Variants in SYT1 observed in about 807,000 individuals in gnomAD.
The protein encoded by SYT1 is synaptotagmin-1.
Under a neutral mutation model 44.8 loss-of-function variants are expected in SYT1, and 8 were observed. The ratio of observed to expected loss-of-function variants is 0.18; its 90% CI spans 0.10 to 0.32. The LOEUF is 0.32. SYT1 is among the 10% of genes least tolerant of loss of function. The pLI, the probability that SYT1 is intolerant of heterozygous loss-of-function variation, is 1.00. For missense variants in SYT1, 286 were observed against 509.3 expected (o/e 0.56, Z 4.22); for synonymous variants, 154 against 188.8 (o/e 0.82, Z 1.51).
intron 5 of SYT1, among the ~76,000 whole-genome samples, chr12:79,290,154 C>T (rs1357412081): frequency 6.6e-6 from 1 of 152,042 alleles, no homozygotes; most frequent in African/African-American, 2.4e-5. Flanking sequence ...ATTTTCAAAA[C>T]TCACTGAAGG....
At chr12:79,283,132 C>T (rs1291537322) in intron 4 of SYT1, among the ~76,000 whole-genome samples, 7 of 152,060 alleles carry the variant, frequency 4.6e-5, no homozygotes. Context: ...ATGAGTGAAG[C>T]TATCCTATAG....
At chr12:79,016,271 A>C (rs1592664927) in intron 2 of SYT1, among the ~76,000 whole-genome samples, 1 of 152,270 alleles carries the variant, frequency 6.6e-6, no homozygotes, top group African/African-American at 2.4e-5. Context: ...AAAAGCTCAA[A>C]AGAAAAATAG....
chr12:79,399,289 A>ATATT lies in SYT1; in HGVS notation c.929-44783_929-44782insATTT, dbSNP rs1884987709. Among the ~76,000 whole-genome samples the ATATT allele has an allele frequency of 1.3e-4, 18 of 134,204 alleles. No homozygotes were observed. In the South Asian group the frequency reaches 4.2e-3, roughly 31 times the overall value. The allele number at this position is 134,204 out of a possible 152,430, so 88.0% of individuals were successfully genotyped here. On this transcript the variant is annotated intron_variant, in intron 9 of 10. Transcript: ENST00000261205. ...AAACAAGTCATCTGCAGTAATTTGAATTTTTTTTTTTTTTTTTGCCTTTCA... is the reference window on the plus strand; with the variant it reads ...AAACAAGTCATCTGCAGTAATTTGAATATTTTTTTTTTTTTTTTTTTGCCTTTCA...
chr12:79,193,791 C>A (rs1417396821), intron 3 of SYT1, among the ~76,000 whole-genome samples: 1 of 152,166 alleles, frequency 6.6e-6, no homozygotes, highest in Admixed American at 6.5e-5. Context: ...ATGAAGCTAA[C>A]ATTAAATATC....
intron 4 of SYT1, among the ~76,000 whole-genome samples, chr12:79,236,338 GCCTCTCTTTTAAGTA>G (rs1485826054): frequency 4.6e-5 from 7 of 152,184 alleles, no homozygotes; most frequent in South Asian, 4.1e-4. Context: ...CCTCTTTCCA[GCCTCTCTTTTAAGTA>G]CTCAGTACTT....
intron 4 of SYT1, among the ~76,000 whole-genome samples, chr12:79,243,896 GGAAGGAAGGAA>G (rs1565871932): frequency 2.0e-5 from 3 of 151,672 alleles, no homozygotes; most frequent in African/African-American, 7.3e-5. Context: ...AAGGCAGGAA[GGAAGGAAGGAA>G]GGAAGGAAAT....
chr12:79,341,914 C>T (rs112044006), intron 8 of SYT1, among the ~76,000 whole-genome samples: 3,485 of 152,014 alleles, frequency 0.023, 53 homozygotes, highest in Middle Eastern at 0.065. Context: ...GTGATCCACC[C>T]GCCTCGTCAT....
chr12:79,026,664 ATTT>A (rs1309697584), intron 2 of SYT1, among the ~76,000 whole-genome samples: 20 of 83,016 alleles, frequency 2.4e-4, no homozygotes, highest in African/African-American at 1.0e-3. Flanking sequence ...ATACATATAT[ATTT>A]TATATATATA....
chr12:78,921,770 T>C lies in SYT1; in HGVS notation c.-216-56029T>C, dbSNP rs193131383. On this transcript the variant is annotated intron_variant, in intron 1 of 10. Transcript: ENST00000261205. ...CGCTGCTGAGATAATTACAATGTTA[T>C]TTACTAGTTTTGTCTGGTATTTCTG... Among the ~76,000 whole-genome samples, 9 of 152,050 alleles carry C rather than the reference T, an allele frequency of 5.9e-5. No homozygotes were observed. In the East Asian group the frequency reaches 1.7e-3, roughly 30 times the overall value.
chr12:79,439,831 T>C (rs1870301189), intron 9 of SYT1, among the ~76,000 whole-genome samples: 1 of 151,934 alleles, frequency 6.6e-6, no homozygotes, highest in Non-Finnish European at 1.5e-5. Flanking sequence ...CTAGAGTCTG[T>C]ACTTGTAAAC....
chr12:79,003,172 C>T (rs1330508450), intron 2 of SYT1, among the ~76,000 whole-genome samples: 1 of 152,006 alleles, frequency 6.6e-6, no homozygotes, highest in Admixed American at 6.6e-5. Context: ...ACACTTCATT[C>T]CATTTTTTTC....
chr12:79,071,641 A>C (rs146336696), intron 3 of SYT1, among the ~76,000 whole-genome samples: 124 of 152,006 alleles, frequency 8.2e-4, no homozygotes, highest in Non-Finnish European at 1.5e-3. Context: ...CTTCCTCTGA[A>C]CTCCTTTAGG....
intron 3 of SYT1, among the ~76,000 whole-genome samples, chr12:79,166,191 A>T (rs1466622413): frequency 6.6e-6 from 1 of 152,040 alleles, no homozygotes; most frequent in African/African-American, 2.4e-5. Context: ...TCACTGTTTT[A>T]TACAAATAAA....
intron 3 of SYT1, among the ~76,000 whole-genome samples, chr12:79,092,506 GA>G (rs144819167): frequency 2.2e-4 from 32 of 148,154 alleles, no homozygotes; most frequent in African/African-American, 4.7e-4. Context: ...ATAGCTGAAA[GA>G]AAAAAAAAAT....
chr12:79,335,353 T>G (rs1292043552), intron 8 of SYT1, among the ~76,000 whole-genome samples: 1 of 152,030 alleles, frequency 6.6e-6, no homozygotes, highest in African/African-American at 2.4e-5. Context: ...CTTATGCCTT[T>G]CCTTTCCTTG....
At position 78,904,495 on chromosome 12, in the gene SYT1, T is replaced by A. The variant is rs1875848204; in HGVS notation, c.-217+39386T>A. Among the ~76,000 whole-genome samples the A allele has an allele frequency of 1.3e-5, 2 of 152,160 alleles. 1 individual carries two copies. Among genetic ancestry groups the A allele is most frequent in the Middle Eastern group, 6.3e-3 (2 of 316 alleles). On this transcript the variant is annotated intron_variant, in intron 1 of 10. Coordinates refer to ENST00000261205, the MANE Select transcript of SYT1 (RefSeq NM_005639.3). ...ACCTCTATTCACCAGTTTTCGAGTATCTCGACCTAACTCTGCCCAAGGATG... is the reference window on the plus strand; with the variant it reads ...ACCTCTATTCACCAGTTTTCGAGTAACTCGACCTAACTCTGCCCAAGGATG...
rs1364938917 is a variant in SYT1, at chr12:79,421,412, A to G, written c.929-22661A>G. ...AGAGTCTGTGCTTCTGAACTGTTTG[A>G]CCATAGTTTCCTTGTTCAAGGAACA... On this transcript the variant is annotated intron_variant, in intron 9 of 10. Transcript: ENST00000261205. Among the ~76,000 whole-genome samples the G allele has an allele frequency of 5.3e-5, 8 of 152,172 alleles. No homozygotes were observed. In the East Asian group the frequency reaches 1.5e-3, roughly 29 times the overall value.
At chr12:79,362,952 A>G (rs1883375620) in intron 9 of SYT1, among the ~76,000 whole-genome samples, 1 of 151,818 alleles carries the variant, frequency 6.6e-6, no homozygotes, top group Non-Finnish European at 1.5e-5. Context: ...GTTTTGTGTT[A>G]TAGGCTTACA....
At chr12:79,277,981 C>A (rs561863740) in intron 4 of SYT1, among the ~76,000 whole-genome samples, 1 of 151,848 alleles carries the variant, frequency 6.6e-6, no homozygotes, top group South Asian at 2.1e-4. Flanking sequence ...TAAATATATA[C>A]ACATCTAACA....
Sources: allele counts gnomAD v4.1 joint callset (sites outside exome capture counted in the v4.1 genomes callset), GRCh38; gene constraint gnomAD v4.1.1; transcripts MANE v1.5; gene names NCBI Gene and HGNC (gene_info 2026-07-23, HGNC 2026-07-21).